The following CPA1 variants were observed in gnomAD, a reference collection of about 807,000 sequenced individuals.
CPA1 encodes the protein carboxypeptidase A1 (pancreatic).
Under a neutral mutation model 48.7 loss-of-function variants are expected in CPA1, and 42 were observed. The observed-to-expected ratio is 0.86, with a 90% CI of 0.67 to 1.11. CPA1 has a LOEUF of 1.11. Ranked by LOEUF, CPA1 falls within the 50% of genes most tolerant of loss-of-function variation. The probability of loss-of-function intolerance (pLI) is 0.00; values close to 1 mark genes in which losing one functional copy is unlikely to be tolerated. For missense variants in CPA1, 477 were observed against 544.7 expected, an observed-to-expected ratio of 0.88 and a Z score of 1.24; for synonymous variants, 203 against 217.9, an observed-to-expected ratio of 0.93 and a Z score of 0.60.
intron 6 of CPA1, 60 bp from the exon 7 acceptor site, chr7:130,384,476 C>A: frequency 7.1e-7 from 1 of 1,400,046 alleles, no homozygotes; most frequent in Non-Finnish European, 1.0e-6. Context: ...CACCCCCCAC[C>A]CAGCACTGTG....
rs1294063727 is a variant in CPA1 at position 130,383,667 on chromosome 7, C to G, written c.586-17C>G. The G allele has an allele frequency of 6.3e-7, 1 of 1,596,262 alleles. No homozygotes were observed. The highest frequency in any genetic ancestry group is 1.3e-5 in the African/African-American group (1 of 74,584). On this transcript the variant is annotated splice_polypyrimidine_tract_variant and intron_variant, in intron 5 of 9. Coordinates refer to ENST00000011292, the MANE Select transcript of CPA1 (RefSeq NM_001868.4). ...TGGCCCAGCCTGCGCTGCCCCTCTG[C>G]TCCTCTAACCCCCCAGATCACTCAA... is the stretch of plus-strand genomic sequence containing the variant.
At chr7:130,386,721 A>G (rs1357113566) in intron 9 of CPA1, among the ~76,000 whole-genome samples, 1 of 152,236 alleles carries the variant, frequency 6.6e-6, no homozygotes, top group Non-Finnish European at 1.5e-5. Flanking sequence ...TACTTGGGAT[A>G]TAGCCATGAA....
chr7:130,386,905 G>A (rs542634499), intron 9 of CPA1, among the ~76,000 whole-genome samples: 2 of 152,322 alleles, frequency 1.3e-5, no homozygotes, highest in African/African-American at 4.8e-5. Context: ...GTTGAAGGGT[G>A]GGCCTCATTG....
At position 130,385,167 on chromosome 7, in the gene CPA1, C is replaced by T. The variant is rs1796456198; in HGVS notation, c.809C>T (p.Pro270Leu). ...GFGLSGASSN[P>L]CSETYHGKFA... is the part of the protein sequence containing the mutation. ...ACAGTGTCCGGAGCCAGCAGTAACC[C>T]CTGCTCGGAGACTTACCACGGCAAG... Residue 270 changes from proline (P) to leucine (L), a missense_variant, in exon 8 of 10, where the codon CCC becomes CTC. Pro to Leu is a moderately conservative substitution (Grantham distance 98). Transcript: ENST00000011292. 1 of 1,614,186 alleles carries T rather than the reference C, an allele frequency of 6.2e-7. No homozygotes were observed. Among genetic ancestry groups the T allele is most frequent in the Non-Finnish European group, 8.5e-7 (1 of 1,180,036 alleles).
At chr7:130,383,898 G>A in intron 6 of CPA1, 104 bp downstream of exon 6, 2 of 865,162 alleles carry the variant, frequency 2.3e-6, no homozygotes, top group Non-Finnish European at 3.9e-6. Flanking sequence ...TCAAGGGAGG[G>A]GCAATCAGAC....
chr7:130,383,290 G>A (rs1251003230), intron 4 of CPA1, 101 bp from the exon 5 acceptor site: 2 of 841,454 alleles, frequency 2.4e-6, no homozygotes, highest in East Asian at 2.6e-5. Flanking sequence ...GATACACAGA[G>A]AGCAGGTGGT....
chr7:130,381,463 C>A (rs1796402663), intron 2 of CPA1, among the ~76,000 whole-genome samples, 167 bp from the exon 3 acceptor site: 1 of 152,144 alleles, frequency 6.6e-6, no homozygotes, highest in Non-Finnish European at 1.5e-5. Flanking sequence ...ACTCTCCAGT[C>A]CCCAGGGTTT....
At chr7:130,386,285 C>G (rs1288133166) in intron 9 of CPA1, among the ~76,000 whole-genome samples, 4 of 151,998 alleles carry the variant, frequency 2.6e-5, no homozygotes, top group African/African-American at 9.7e-5. Flanking sequence ...GTAATCCCAG[C>G]ACTTTGGGAG....
Position 130,381,870 on chromosome 7 carries a change from G to C in CPA1, c.381+7G>C, listed in dbSNP as rs1554411253. ...CTACCACACCCTGGAGGAGGTGAGG[G>C]CGCCCCTAGCGGCCGCTCCCTGCAG... On this transcript the variant is annotated splice_region_variant and intron_variant, in intron 3 of 9. Coordinates refer to ENST00000011292, the MANE Select transcript of CPA1 (RefSeq NM_001868.4). 3.7e-6 allele frequency: 6 copies of C among 1,610,792 alleles called. No homozygotes were observed. The Admixed American group carries it at 5.0e-5, about 13-fold the overall frequency.
chr7:130,385,953 G>T, intron 9 of CPA1, 30 bp downstream of exon 9: 1 of 1,563,944 alleles, frequency 6.4e-7, no homozygotes, highest in East Asian at 2.2e-5. Flanking sequence ...CTCTTGATGG[G>T]CCTGCGAGGA....
chr7:130,381,821 CA>C lies in CPA1; in HGVS notation c.340del (p.Thr114ProfsTer47). The C allele has an allele frequency of 1.9e-6, 3 of 1,614,124 alleles. No individual in the cohort carries two copies. Among genetic ancestry groups the C allele is most frequent in the Non-Finnish European group, 1.7e-6 (2 of 1,180,030 alleles). On this transcript the variant is annotated frameshift_variant, in exon 3 of 10. Transcript: ENST00000011292. LOFTEE classifies it high-confidence loss of function. Reference sequence around the variant, plus strand: ...TCGCCTTCCGGTCCCGGGCGCGCTCCACCGACACTTTTAACTACGCCACCTA... The same window carrying C: ...TCGCCTTCCGGTCCCGGGCGCGCTCCCCGACACTTTTAACTACGCCACCTA... Reference protein sequence around the residue: ...MFAFRSRARSTDTFNYATYHT... With the variant: ...MFAFRSRARSXDTFNYATYHT...
chr7:130,381,775 A>T lies in CPA1; in HGVS notation c.293A>T (p.Asp98Val). The T allele has an allele frequency of 6.2e-7, 1 of 1,614,146 alleles. No individual in the cohort carries two copies. Among genetic ancestry groups the T allele is most frequent in the Non-Finnish European group, 8.5e-7 (1 of 1,180,014 alleles). Residue 98 changes from aspartate (D) to valine (V), a missense_variant, in exon 3 of 10, where the codon GAC (aspartate) becomes GTC (valine). Transcript: ENST00000011292. ...ATCGAGGACGTGCAGTCGCTGCTGGACGAGGAGCAGGAGCAGATGTTCGCC... is the reference window on the plus strand; with the variant it reads ...ATCGAGGACGTGCAGTCGCTGCTGGTCGAGGAGCAGGAGCAGATGTTCGCC... ...TMIEDVQSLL[D>V]EEQEQMFAFR... is the part of the protein sequence containing the mutation.
Position 130,383,794 on chromosome 7 carries a change from G to A in CPA1, c.696G>A (p.Thr232=), listed in dbSNP as rs150092860. The A allele has an allele frequency of 9.4e-5, 151 of 1,605,588 alleles. No individual in the cohort carries two copies. The highest frequency in any genetic ancestry group is 1.1e-4 in the Non-Finnish European group (131 of 1,173,056). The part of the protein sequence containing the change: ...NPDGFAFTHS[T]NRMWRKTRSH... Reference sequence around the variant, plus strand: ...ATGGCTTTGCCTTCACGCACAGCACGGTACCGGCCTTCTCCTGTCCTTGGG... The same window carrying A: ...ATGGCTTTGCCTTCACGCACAGCACAGTACCGGCCTTCTCCTGTCCTTGGG... Residue 232 remains threonine (T), a splice_region_variant and synonymous_variant, in exon 6 of 10, where the codon ACG becomes ACA. Coordinates refer to ENST00000011292, the MANE Select transcript of CPA1 (RefSeq NM_001868.4).
In CPA1 at chr7:130,385,024, A is replaced by G. The variant is rs1282751991; in HGVS notation, c.788-122A>G. The stretch of plus-strand genomic sequence containing the variant: ...TATAGAAGGCCTTTGGGCTTTCCTG[A>G]ATCCAGGGGTGGGAGTGAGCCCTTC... On this transcript the variant is annotated intron_variant, in intron 7 of 9. Transcript: ENST00000011292. 6 of 988,756 alleles carry G rather than the reference A, an allele frequency of 6.1e-6. No homozygotes were observed. The Admixed American group carries it at 1.2e-4, about 20-fold the overall frequency. The allele number at this position is 988,756 out of a possible 1,614,324, so 61.2% of individuals were successfully genotyped here.
chr7:130,384,199 T>G (rs1458831003), intron 6 of CPA1: 4 of 445,514 alleles, frequency 9.0e-6, no homozygotes, highest in Non-Finnish European at 1.6e-5. Flanking sequence ...ATCTGACCAA[T>G]GACATGGGGC....
At chr7:130,385,418 AC>A in intron 8 of CPA1, 73 bp downstream of exon 8, 1 of 1,408,000 alleles carries the variant, frequency 7.1e-7, no homozygotes, top group East Asian at 2.3e-5. Context: ...CCCCCATCAG[AC>A]CTGCTTAAGG....
rs782722989 is a variant in CPA1 at position 130,383,696 on chromosome 7, TA to T, written c.599del (p.Tyr200SerfsTer91). 13 of 1,613,856 alleles carry T rather than the reference TA, an allele frequency of 8.1e-6. No homozygotes were observed. The African/African-American group carries it at 1.6e-4, about 20-fold the overall frequency. On this transcript the variant is annotated frameshift_variant, in exon 6 of 10. Coordinates refer to ENST00000011292, the MANE Select transcript of CPA1 (RefSeq NM_001868.4). LOFTEE classifies it high-confidence loss of function. Reference protein sequence around the residue: ...VWFAKKITQDYGQDAAFTAIL... With the variant: ...VWFAKKITQDXGQDAAFTAIL... ...TCTAACCCCCCAGATCACTCAAGAC[TA>T]CGGGCAGGATGCAGCTTTCACCGCC...
intron 6 of CPA1, 110 bp from the exon 7 acceptor site, chr7:130,384,426 C>A: frequency 1.1e-6 from 1 of 885,894 alleles, no homozygotes; most frequent in Non-Finnish European, 1.8e-6. Context: ...CTCCAGGGAG[C>A]CCTCCCCTCA....
At position 130,383,430 on chromosome 7, in the gene CPA1, G is replaced by A. The variant is rs782556361; in HGVS notation, c.523G>A (p.Asp175Asn). The change falls in exon 5 of 10, where the codon GAC (aspartate) becomes AAC (asparagine). Residue 175 changes from aspartate to asparagine, a missense_variant. Physicochemically the swap from Asp to Asn is conservative, Grantham distance 23 (BLOSUM62 1). Coordinates refer to ENST00000011292, the MANE Select transcript of CPA1 (RefSeq NM_001868.4). Reference sequence around the variant, plus strand: ...CAGTAAGCGTCCAGCCATCTGGATCGACACGGGCATCCATTCCCGGGAGTG... The same window carrying A: ...CAGTAAGCGTCCAGCCATCTGGATCAACACGGGCATCCATTCCCGGGAGTG... ...GGSKRPAIWI[D>N]TGIHSREWVT... 9.9e-6 allele frequency: 16 copies of A among 1,614,052 alleles called. No homozygotes were observed. Among genetic ancestry groups the A allele is most frequent in the East Asian group, 2.2e-5 (1 of 44,884 alleles).
Sources: allele counts gnomAD v4.1 joint callset (sites outside exome capture counted in the v4.1 genomes callset), GRCh38; gene constraint gnomAD v4.1.1; transcripts MANE v1.5; gene names NCBI Gene and HGNC (gene_info 2026-07-23, HGNC 2026-07-21).